Variants in FLYWCH1 observed in about 807,000 individuals in gnomAD.
FLYWCH1 encodes the protein FLYWCH-type zinc finger 1, also known as FLYWCH-type zinc finger-containing protein 1.
A neutral mutation model predicts 66.4 loss-of-function variants in FLYWCH1; 75 were observed. That is an observed-to-expected ratio of 1.13 (90% CI 0.94 to 1.37). The LOEUF is 1.37. Among genes scored for constraint, FLYWCH1 ranks in the 40% most tolerant of loss-of-function variants. The pLI, the probability that FLYWCH1 is intolerant of heterozygous loss-of-function variation, is 0.00. For synonymous variants in FLYWCH1, 595 were observed against 429.9 expected, an observed-to-expected ratio of 1.38 and a Z score of -4.75; for missense variants, 1,334 against 1,001.8, an observed-to-expected ratio of 1.33 and a Z score of -4.48.
chr16:2,935,598 C>A (rs2070964873), intron 6 of FLYWCH1: 1 of 152,164 alleles, frequency 6.6e-6, no homozygotes, highest in Non-Finnish European at 1.5e-5. Context: ...TGAGGCCTTT[C>A]ATGTCTGAAA....
chr16:2,934,705 G>A lies in FLYWCH1; in HGVS notation c.1513+726G>A, dbSNP rs139377942. The A allele has an allele frequency of 2.2e-5, 10 of 455,022 alleles. No individual in the cohort carries two copies. In the East Asian group the frequency reaches 4.9e-4, roughly 22 times the overall value. 28.2% of individuals were successfully genotyped at this position (455,022 alleles called of 1,614,324 possible). ...ATGGCCCTAAAGTTCTCTCGGACTT[G>A]AGAGCTGTGATTGTCTTTCTCTTTT... On this transcript the variant is annotated intron_variant, in intron 6 of 9. Coordinates refer to ENST00000253928, the MANE Select transcript of FLYWCH1 (RefSeq NM_001308068.2).
Position 2,937,314 on chromosome 16 carries a change from G to T in FLYWCH1, c.1707G>T (p.Pro569=), listed in dbSNP as rs61747749. ...VMVMRRHCHP[P]DLGGLEALRQ... ...TCATGCGCAGGCACTGCCACCCACC[G>T]GACCTGGGCGGCCTGGAGGCCCTGC... The change falls in exon 7 of 10, where the codon CCG becomes CCT. Residue 569 remains proline, a synonymous_variant. Transcript: ENST00000253928. 3 of 1,601,970 alleles carry T rather than the reference G, an allele frequency of 1.9e-6. No homozygotes were observed. The highest frequency in any genetic ancestry group is 2.6e-6 in the Non-Finnish European group (3 of 1,174,532).
chr16:2,921,949 G>C (rs1270721762), intron 2 of FLYWCH1, among the ~76,000 whole-genome samples: 1 of 152,124 alleles, frequency 6.6e-6, no homozygotes, highest in Non-Finnish European at 1.5e-5. Context: ...TGTAGTCCCA[G>C]CTACTCAGGA....
chr16:2,942,805 C>A (rs1225222925), intron 9 of FLYWCH1, among the ~76,000 whole-genome samples: 1 of 142,350 alleles, frequency 7.0e-6, no homozygotes, highest in Non-Finnish European at 1.5e-5. Context: ...TGGCTCACTG[C>A]AAGATCACTG....
In FLYWCH1 at chr16:2,942,791, A is replaced by T. The variant is rs998648595; in HGVS notation, c.2111+2699A>T. ...GCCCAGGCTGGAGTGCAGTGGTGTG[A>T]TCTTGGCTCACTGCAAGATCACTGT... On this transcript the variant is annotated intron_variant, in intron 9 of 9. Transcript: ENST00000253928. 4.0e-5 allele frequency among the ~76,000 whole-genome samples: 5 copies of T among 125,706 alleles called. No individual in the cohort carries two copies. In the Admixed American group the frequency reaches 5.3e-4, roughly 13 times the overall value. The allele number at this position is 125,706 out of a possible 152,430, so 82.5% of individuals were successfully genotyped here.
intron 4 of FLYWCH1, among the ~76,000 whole-genome samples, chr16:2,931,863 C>T (rs139997220): frequency 4.9e-4 from 75 of 152,150 alleles, no homozygotes; most frequent in Middle Eastern, 3.4e-3. Flanking sequence ...CCTGTAATCC[C>T]AGCACTTTGG....
intron 1 of FLYWCH1, among the ~76,000 whole-genome samples, chr16:2,912,361 C>A (rs73482928): frequency 0.044 from 6,365 of 144,522 alleles, 463 homozygotes; most frequent in African/African-American, 0.15. Flanking sequence ...CTGGCCTAAG[C>A]CCGACACCCC....
In FLYWCH1 at chr16:2,936,689, C is replaced by A. The variant is rs1462228090; in HGVS notation, c.1514-432C>A. On this transcript the variant is annotated intron_variant, in intron 6 of 9. Transcript: ENST00000253928. ...CTTCCTCAGAGTCCTGGGGTCACAC[C>A]TCTACCTGCGCGGCTCTCGGGGGCC... 6 of 463,858 alleles carry A rather than the reference C, an allele frequency of 1.3e-5. No individual in the cohort carries two copies. In the East Asian group the frequency reaches 4.1e-4, roughly 32 times the overall value. The allele number at this position is 463,858 out of a possible 1,614,324, so 28.7% of individuals were successfully genotyped here. A position where few individuals can be genotyped will look rare whatever the true frequency, so the allele number is the denominator to read the frequency against.
rs796101914 is a variant in FLYWCH1, at chr16:2,937,187, G to T, written c.1580G>T (p.Arg527Leu). ...CTGGTGTACGAGTCCTTCCTCTACC[G>T]GCGGGAGAAGGCGGCCGGGGAGAAG... Reference protein sequence around the residue: ...SFLVYESFLYRREKAAGEKVY... With the variant: ...SFLVYESFLYLREKAAGEKVY... The change falls in exon 7 of 10, where the codon CGG (arginine) becomes CTG (leucine). Residue 527 changes from arginine (R) to leucine (L), a missense_variant. Arg to Leu is a moderately radical substitution (Grantham distance 102). Transcript: ENST00000253928. 3 of 1,407,246 alleles carry T rather than the reference G, an allele frequency of 2.1e-6. No individual in the cohort carries two copies. Among genetic ancestry groups the T allele is most frequent in the East Asian group, 6.5e-5 (2 of 30,818 alleles). The allele number at this position is 1,407,246 out of a possible 1,614,324, so 87.2% of individuals were successfully genotyped here. A position where few individuals can be genotyped will look rare whatever the true frequency, so the allele number is the denominator to read the frequency against.
chr16:2,945,984 G>A (rs59409699), intron 9 of FLYWCH1, among the ~76,000 whole-genome samples: 40,050 of 151,946 alleles, frequency 0.26, 5,699 homozygotes, highest in Non-Finnish European at 0.32. Context: ...GCAACAGAGC[G>A]AGACTCCATG....
intron 2 of FLYWCH1, among the ~76,000 whole-genome samples, chr16:2,927,950 G>T (rs999613219): frequency 6.6e-6 from 1 of 152,200 alleles, no homozygotes; most frequent in African/African-American, 2.4e-5. Flanking sequence ...AGGGGAGTGT[G>T]GCAGGGCAAC....
intron 9 of FLYWCH1, among the ~76,000 whole-genome samples, chr16:2,944,247 G>C (rs1260147296): frequency 6.7e-6 from 1 of 150,142 alleles, no homozygotes; most frequent in Non-Finnish European, 1.5e-5. Flanking sequence ...GCCAGGCTTG[G>C]CTACAGGTAC....
chr16:2,940,917 G>C (rs1326530387), intron 9 of FLYWCH1, among the ~76,000 whole-genome samples: 1 of 148,690 alleles, frequency 6.7e-6, no homozygotes. Flanking sequence ...GATCATTTGA[G>C]GTCAGGAGTT....
intron 1 of FLYWCH1, among the ~76,000 whole-genome samples, chr16:2,912,515 G>C (rs1222325177): frequency 6.6e-6 from 1 of 152,230 alleles, no homozygotes; most frequent in Non-Finnish European, 1.5e-5. Context: ...TGCGGGTCGG[G>C]ACGCACCCCG....
chr16:2,921,265 C>G (rs1476956523), intron 2 of FLYWCH1, among the ~76,000 whole-genome samples: 1 of 151,224 alleles, frequency 6.6e-6, no homozygotes, highest in African/African-American at 2.5e-5. Context: ...TCACCACCAT[C>G]AATTTTAGGA....
intron 2 of FLYWCH1, among the ~76,000 whole-genome samples, chr16:2,929,324 C>A (rs1477304198): frequency 1.3e-5 from 2 of 152,210 alleles, no homozygotes; most frequent in African/African-American, 4.8e-5. Context: ...CGTCCGTGCT[C>A]AGCATGTGGC....
intron 9 of FLYWCH1, among the ~76,000 whole-genome samples, chr16:2,947,684 C>T (rs1596409787): frequency 6.6e-6 from 1 of 151,138 alleles, no homozygotes; most frequent in Non-Finnish European, 1.5e-5. Flanking sequence ...ATCGCTTGAA[C>T]CTGGGAGGTA....
chr16:2,923,107 G>C (rs906928960), intron 2 of FLYWCH1: 16 of 407,188 alleles, frequency 3.9e-5, no homozygotes, highest in African/African-American at 2.9e-4. Flanking sequence ...TGTGGCTGTT[G>C]TGAGGTTCTT....
At chr16:2,924,617 G>A (rs1277102870) in intron 2 of FLYWCH1, among the ~76,000 whole-genome samples, 2 of 152,162 alleles carry the variant, frequency 1.3e-5, no homozygotes, top group African/African-American at 2.4e-5. Flanking sequence ...CCCGTGAGGC[G>A]TGGGAATGTG....
Sources: gnomAD v4.1 joint callset for allele counts (sites outside exome capture counted in the v4.1 genomes callset) on GRCh38, gnomAD v4.1.1 for gene constraint, MANE v1.5 for transcripts, NCBI Gene and HGNC (gene_info 2026-07-23, HGNC 2026-07-21) for gene names.